The following ROBO1 variants were observed in gnomAD, a reference collection of about 807,000 sequenced individuals.
ROBO1 encodes roundabout guidance receptor 1, also known as roundabout homolog 1.
ROBO1 carries 149 observed loss-of-function variants against 195.9 expected under a neutral mutation model. The ratio of observed to expected loss-of-function variants is 0.76; its 90% confidence interval spans 0.67 to 0.87. The LOEUF (loss-of-function observed/expected upper bound fraction) is 0.87. ROBO1 is among the 40% of genes least tolerant of loss of function. The probability of loss-of-function intolerance (pLI) is 0.00; values close to 1 mark genes in which losing one functional copy is unlikely to be tolerated. For synonymous variants in ROBO1, 816 were observed against 733.2 expected (o/e 1.11, Z -1.82); for missense variants, 1,933 against 2,068.3 (o/e 0.93, Z 1.27).
intron 2 of ROBO1, among the ~76,000 whole-genome samples, chr3:79,575,275 T>G (rs1448192662): frequency 8.3e-6 from 1 of 121,014 alleles, no homozygotes; most frequent in Non-Finnish European, 1.6e-5. Flanking sequence ...ATATAACAAA[T>G]ATATATATAA....
At chr3:78,989,697 A>AG in intron 3 of ROBO1, among the ~76,000 whole-genome samples, 1 of 152,284 alleles carries the variant, frequency 6.6e-6, no homozygotes, top group East Asian at 1.9e-4. Context: ...TATAACATTG[A>AG]GTTTTCTCAG....
chr3:78,950,298 C>A (rs183740350), intron 3 of ROBO1, among the ~76,000 whole-genome samples: 1 of 151,770 alleles, frequency 6.6e-6, no homozygotes. Flanking sequence ...TAAGAAAATG[C>A]GGCACGTATA....
At chr3:79,022,322 T>C (rs1276913983) in intron 3 of ROBO1, among the ~76,000 whole-genome samples, 1 of 152,188 alleles carries the variant, frequency 6.6e-6, no homozygotes, top group Non-Finnish European at 1.5e-5. Context: ...TTCCTTTCTT[T>C]TAGGCTTTTA....
At chr3:79,026,873 C>T (rs1182364911) in intron 3 of ROBO1, among the ~76,000 whole-genome samples, 2 of 151,912 alleles carry the variant, frequency 1.3e-5, no homozygotes, top group African/African-American at 4.8e-5. Context: ...ATGTGTTTTA[C>T]AAAACTGTTT....
At chr3:79,236,560 A>G (rs1296904253) in intron 2 of ROBO1, among the ~76,000 whole-genome samples, 1 of 152,140 alleles carries the variant, frequency 6.6e-6, no homozygotes, top group Admixed American at 6.6e-5. Flanking sequence ...CGTTTAAATG[A>G]GTATGTCATT....
intron 2 of ROBO1, among the ~76,000 whole-genome samples, chr3:79,138,411 G>T (rs2080458183): frequency 6.6e-6 from 1 of 151,996 alleles, no homozygotes; most frequent in Non-Finnish European, 1.5e-5. Context: ...ATTTGGACAT[G>T]AATGTTCATG....
intron 2 of ROBO1, among the ~76,000 whole-genome samples, chr3:79,196,340 C>A (rs1576800694): frequency 6.9e-6 from 1 of 144,244 alleles, no homozygotes; most frequent in Non-Finnish European, 1.5e-5. Context: ...AAGACTATTC[C>A]TAGAAAATTA....
Position 79,029,900 on chromosome 3 carries a change from T to C in ROBO1, c.173-90973A>G, listed in dbSNP as rs553450855. ...AAAATATATCTCTTAAGCCTGTCTC[T>C]TCTGTACATCTTGTAAACGCAACAG... On this transcript the variant is annotated intron_variant, in intron 3 of 30. Coordinates refer to ENST00000464233, the MANE Select transcript of ROBO1 (RefSeq NM_002941.4). 2.6e-5 allele frequency among the ~76,000 whole-genome samples: 4 copies of C among 152,350 alleles called. No homozygotes were observed. In the South Asian group the frequency reaches 8.3e-4, roughly 32 times the overall value.
intron 1 of ROBO1, among the ~76,000 whole-genome samples, chr3:79,622,514 T>C (rs560217100): frequency 6.6e-6 from 1 of 152,320 alleles, no homozygotes; most frequent in African/African-American, 2.4e-5. Context: ...GAAGGCTGGA[T>C]GGCTTTTTCC....
chr3:78,969,790 C>T (rs893867207), intron 3 of ROBO1, among the ~76,000 whole-genome samples: 1 of 152,134 alleles, frequency 6.6e-6, no homozygotes, highest in Non-Finnish European at 1.5e-5. Flanking sequence ...ATCATATGGA[C>T]ACAAACTTAA....
At chr3:78,951,311 C>G (rs2040772370) in intron 3 of ROBO1, among the ~76,000 whole-genome samples, 1 of 151,828 alleles carries the variant, frequency 6.6e-6, no homozygotes, top group African/African-American at 2.4e-5. Context: ...TAATATTCGA[C>G]TCATTATTCA....
At chr3:79,063,404 T>C (rs1376438072) in intron 3 of ROBO1, among the ~76,000 whole-genome samples, 2 of 151,868 alleles carry the variant, frequency 1.3e-5, no homozygotes, top group East Asian at 1.9e-4. Flanking sequence ...TGCTTTGTTG[T>C]TGTGACTTGC....
intron 1 of ROBO1, 33 bp from the exon 2 acceptor site, chr3:79,589,994 G>A: frequency 1.1e-6 from 1 of 894,462 alleles, no homozygotes; most frequent in South Asian, 1.5e-5. Flanking sequence ...ATTTTGTAAT[G>A]GTTAGCTATG....
At position 79,170,751 on chromosome 3, in the gene ROBO1, C is replaced by T. The variant is rs534038510; in HGVS notation, c.89-45212G>A. Reference sequence around the variant, plus strand: ...GAATTTAAATACATGTTAAATAAGCCTGCCAGTAAATGGTCAAAGAAGGCT... The same window carrying T: ...GAATTTAAATACATGTTAAATAAGCTTGCCAGTAAATGGTCAAAGAAGGCT... On this transcript the variant is annotated intron_variant, in intron 2 of 30. Transcript: ENST00000464233. Among the ~76,000 whole-genome samples the T allele has an allele frequency of 2.2e-4, 33 of 152,062 alleles. No individual in the cohort carries two copies. In the Middle Eastern group the frequency reaches 0.014, roughly 63 times the overall value.
At chr3:79,552,435 A>G (rs1211091722) in intron 2 of ROBO1, among the ~76,000 whole-genome samples, 4 of 151,952 alleles carry the variant, frequency 2.6e-5, no homozygotes, top group Non-Finnish European at 5.9e-5. Context: ...GTCATTTCTT[A>G]TGCATTTTGT....
At chr3:79,699,360 C>T (rs778600545) in intron 1 of ROBO1, among the ~76,000 whole-genome samples, 7 of 151,574 alleles carry the variant, frequency 4.6e-5, no homozygotes, top group South Asian at 4.2e-4. Flanking sequence ...ATGATTTGTG[C>T]GCCTTCCAGG....
intron 10 of ROBO1, among the ~76,000 whole-genome samples, chr3:78,679,170 G>C (rs1183324998): frequency 6.6e-6 from 1 of 151,000 alleles, no homozygotes; most frequent in African/African-American, 2.4e-5. Flanking sequence ...TTGATGGGAC[G>C]TATCTCAAAA....
chr3:79,109,666 T>C (rs555960427), intron 3 of ROBO1, among the ~76,000 whole-genome samples: 3 of 152,182 alleles, frequency 2.0e-5, no homozygotes, highest in East Asian at 3.9e-4. Context: ...ATATCTTTAT[T>C]ATTAGTTTTT....
chr3:79,729,960 C>A (rs1208197899), intron 1 of ROBO1, among the ~76,000 whole-genome samples: 17 of 152,158 alleles, frequency 1.1e-4, no homozygotes, highest in South Asian at 2.1e-4. Context: ...AAAGATCTTG[C>A]CAACCATTGT....
Sources: gnomAD v4.1 joint callset for allele counts (sites outside exome capture counted in the v4.1 genomes callset) on GRCh38, gnomAD v4.1.1 for gene constraint, MANE v1.5 for transcripts, NCBI Gene and HGNC (gene_info 2026-07-23, HGNC 2026-07-21) for gene names.